ACP7: variants seen among roughly 807,000 people sequenced by gnomAD.
ACP7 encodes acid phosphatase 7, tartrate resistant (putative).
Under a neutral mutation model 60.6 loss-of-function variants are expected in ACP7, and 58 were observed. The observed-to-expected ratio is 0.96, with a 90% confidence interval of 0.77 to 1.19. The LOEUF (loss-of-function observed/expected upper bound fraction) is 1.19. Ranked by LOEUF, ACP7 falls within the 50% of genes most tolerant of loss-of-function variation. The pLI, the probability that ACP7 is intolerant of heterozygous loss-of-function variation, is 0.00. For missense variants in ACP7, 574 were observed against 596.2 expected, an observed-to-expected ratio of 0.96 and a Z score of 0.39; for synonymous variants, 237 against 232.6, an observed-to-expected ratio of 1.02 and a Z score of -0.17.
chr19:39,087,632 G>GTT (rs58068960), intron 2 of ACP7, among the ~76,000 whole-genome samples: 24 of 131,582 alleles, frequency 1.8e-4, no homozygotes, highest in Non-Finnish European at 2.8e-4. Context: ...AGCTAATTTT[G>GTT]TTTTTTTTTT....
intron 2 of ACP7, among the ~76,000 whole-genome samples, chr19:39,094,435 G>A (rs909049916): frequency 2.0e-5 from 3 of 150,364 alleles, no homozygotes; most frequent in Admixed American, 6.6e-5. Context: ...CCCAGGAGGT[G>A]GAGGTTGCAG....
rs2073340541 is a variant in ACP7, at chr19:39,101,210, G to A, written c.973+3G>A. 2 of 1,614,142 alleles carry A rather than the reference G, an allele frequency of 1.2e-6. No individual in the cohort carries two copies. The highest frequency in any genetic ancestry group is 1.7e-6 in the Non-Finnish European group (2 of 1,180,028). ...GGAGGATCTTTTCTACAAATATGGT[G>A]AGCGACCCTCAGGACCCATGCCCCA... On this transcript the variant is annotated splice_donor_region_variant and intron_variant, in intron 9 of 12. Transcript: ENST00000331256.
At position 39,085,108 on chromosome 19, in the gene ACP7, C is replaced by T; in HGVS notation, c.-162C>T. The T allele has an allele frequency of 1.2e-6, 1 of 849,598 alleles. No homozygotes were observed. The highest frequency in any genetic ancestry group is 1.8e-6 in the Non-Finnish European group (1 of 568,064). The allele number at this position is 849,598 out of a possible 1,614,324, so 52.6% of individuals were successfully genotyped here. A position where few individuals can be genotyped will look rare whatever the true frequency, so the allele number is the denominator to read the frequency against. On this transcript the variant is annotated 5_prime_UTR_variant, in exon 2 of 13. Transcript: ENST00000331256. ...TCTCTCCAGCACCTGGATAACCACC[C>T]ATCTTGAAGGAGACCTCCCTGCCCT... is the stretch of plus-strand genomic sequence containing the variant.
At chr19:39,088,805 G>T (rs1216281380) in intron 2 of ACP7, among the ~76,000 whole-genome samples, 1 of 152,158 alleles carries the variant, frequency 6.6e-6, no homozygotes, top group Non-Finnish European at 1.5e-5. Flanking sequence ...GAGTGCAGTG[G>T]TGTGGTCTTG....
intron 2 of ACP7, among the ~76,000 whole-genome samples, chr19:39,098,205 G>T (rs1325027782): frequency 7.7e-6 from 1 of 129,560 alleles, no homozygotes; most frequent in Non-Finnish European, 1.6e-5. Context: ...AGTAAGCTGA[G>T]ATTGCACCAC....
chr19:39,097,422 G>A (rs1225368812), intron 2 of ACP7, among the ~76,000 whole-genome samples: 1 of 146,202 alleles, frequency 6.8e-6, no homozygotes, highest in Non-Finnish European at 1.5e-5. Flanking sequence ...AAATTAGCTG[G>A]GCATGGTGAC....
chr19:39,109,788 G>A (rs1422396347), intron 12 of ACP7, among the ~76,000 whole-genome samples: 1 of 150,928 alleles, frequency 6.6e-6, no homozygotes, highest in Non-Finnish European at 1.5e-5. Context: ...TCTAATAATA[G>A]CCTACACTTA....
At chr19:39,088,127 T>G (rs1376340933) in intron 2 of ACP7, among the ~76,000 whole-genome samples, 1 of 152,146 alleles carries the variant, frequency 6.6e-6, no homozygotes, top group Non-Finnish European at 1.5e-5. Flanking sequence ...GCACAAGTGA[T>G]CCTCCTGACT....
Position 39,110,846 on chromosome 19 carries a change from G to A in ACP7, c.*728G>A, listed in dbSNP as rs987876419. 1.3e-5 allele frequency: 2 copies of A among 152,096 alleles called. No homozygotes were observed. Among genetic ancestry groups the A allele is most frequent in the African/African-American group, 4.8e-5 (2 of 41,390 alleles). The allele number at this position is 152,096 out of a possible 1,614,324, so 9.4% of individuals were successfully genotyped here. A position where few individuals can be genotyped will look rare whatever the true frequency, so the allele number is the denominator to read the frequency against. ...ATAATTTATTGAGCATCTACCATGT[G>A]CCAGGCTCTGTTCTCAGTGCTGGAG... On this transcript the variant is annotated 3_prime_UTR_variant, in exon 13 of 13. Coordinates refer to ENST00000331256, the MANE Select transcript of ACP7 (RefSeq NM_001004318.3).
Position 39,110,035 on chromosome 19 carries a change from T to C in ACP7, c.1252-18T>C, listed in dbSNP as rs750386879. 1.9e-6 allele frequency: 3 copies of C among 1,610,714 alleles called. No individual in the cohort carries two copies. Among genetic ancestry groups the C allele is most frequent in the South Asian group, 2.2e-5 (2 of 90,970 alleles). On this transcript the variant is annotated intron_variant, in intron 12 of 12. Coordinates refer to ENST00000331256, the MANE Select transcript of ACP7 (RefSeq NM_001004318.3). ...GGCTTTCAGCTCTAACTACTGTCCC[T>C]GTTTTTGTCCCTCACAGGATGGGAA...
In ACP7 at chr19:39,098,669, C is replaced by A. The variant is rs780106277; in HGVS notation, c.322+11C>A. 1.9e-6 allele frequency: 3 copies of A among 1,600,712 alleles called. No individual in the cohort carries two copies. Among genetic ancestry groups the A allele is most frequent in the African/African-American group, 1.3e-5 (1 of 74,500 alleles). Reference sequence around the variant, plus strand: ...CAGGGGTTCAGTATGGTGAGAGGGGCCCCAGGCTGAGCTGTTGAGGAGGAG... The same window carrying A: ...CAGGGGTTCAGTATGGTGAGAGGGGACCCAGGCTGAGCTGTTGAGGAGGAG... On this transcript the variant is annotated intron_variant, in intron 3 of 12. Transcript: ENST00000331256.
Position 39,101,049 on chromosome 19 carries a change from A to C in ACP7, c.908A>C (p.Glu303Ala), listed in dbSNP as rs985085741. Residue 303 changes from glutamate (E) to alanine (A), a missense_variant, in exon 8 of 13, where the codon GAA (glutamate) becomes GCA (alanine). Transcript: ENST00000331256. ...GATCTGGACGACTGCACACGACATG[A>C]AAGCAAGGTGAGGTCCCTCCCTGGG... ...NADLDDCTRH[E>A]SKVRKGLQGK... 1.2e-6 allele frequency: 2 copies of C among 1,613,876 alleles called. No homozygotes were observed. Among genetic ancestry groups the C allele is most frequent in the African/African-American group, 2.7e-5 (2 of 74,914 alleles).
intron 2 of ACP7, among the ~76,000 whole-genome samples, chr19:39,090,002 A>T (rs2073185976): frequency 6.6e-6 from 1 of 152,176 alleles, no homozygotes; most frequent in Non-Finnish European, 1.5e-5. Flanking sequence ...AGACAATGCA[A>T]ATCCCATTTC....
intron 2 of ACP7, among the ~76,000 whole-genome samples, chr19:39,092,230 C>T (rs2073211314): frequency 6.6e-6 from 1 of 152,074 alleles, no homozygotes; most frequent in South Asian, 2.1e-4. Context: ...AAAAATTAGC[C>T]ATGTGTGTTG....
At position 39,085,504 on chromosome 19, in the gene ACP7, C is replaced by T. The variant is rs2073131579; in HGVS notation, c.121+114C>T. 3.7e-6 allele frequency: 5 copies of T among 1,338,012 alleles called. No individual in the cohort carries two copies. The East Asian group carries it at 1.2e-4, about 33-fold the overall frequency. 82.9% of individuals were successfully genotyped at this position (1,338,012 alleles called of 1,614,324 possible). ...GCCCCTAGGCGGGTGGCTCATTCCT[C>T]CTGAGCCTCCATCATCCACCTCTGT... On this transcript the variant is annotated intron_variant, in intron 2 of 12. Coordinates refer to ENST00000331256, the MANE Select transcript of ACP7 (RefSeq NM_001004318.3).
intron 2 of ACP7, 134 bp downstream of exon 2, chr19:39,085,524 C>A: frequency 8.1e-7 from 1 of 1,227,728 alleles, no homozygotes; most frequent in Non-Finnish European, 1.1e-6. Context: ...CATCATCCAC[C>A]TCTGTGGAAT....
At chr19:39,087,824 G>C (rs2073162075) in intron 2 of ACP7, among the ~76,000 whole-genome samples, 1 of 151,874 alleles carries the variant, frequency 6.6e-6, no homozygotes. Context: ...AGTAGAGACG[G>C]GGTTTCACCA....
chr19:39,098,952 CCATT>C lies in ACP7; in HGVS notation c.323-5_323-2del. 1 of 1,611,334 alleles carries C rather than the reference CCATT, an allele frequency of 6.2e-7. No individual in the cohort carries two copies. Among genetic ancestry groups the C allele is most frequent in the South Asian group, 1.1e-5 (1 of 91,056 alleles). On this transcript the variant is annotated splice_polypyrimidine_tract_variant and splice_region_variant and intron_variant, in intron 3 of 12. Coordinates refer to ENST00000331256, the MANE Select transcript of ACP7 (RefSeq NM_001004318.3). Reference sequence around the variant, plus strand: ...CAGCTGACTGCGACCTTTTCCTCTCCCATTCAGTTTATCGCTGTGGCAGTGCGCA... The same window carrying C: ...CAGCTGACTGCGACCTTTTCCTCTCCCAGTTTATCGCTGTGGCAGTGCGCA...
chr19:39,099,438 T>C (rs1372238307), intron 4 of ACP7, among the ~76,000 whole-genome samples: 1 of 152,166 alleles, frequency 6.6e-6, no homozygotes, highest in Non-Finnish European at 1.5e-5. Context: ...CGCAGGACTG[T>C]TGTGATGACT....
Sources: gnomAD v4.1 joint callset for allele counts (sites outside exome capture counted in the v4.1 genomes callset) on GRCh38, gnomAD v4.1.1 for gene constraint, MANE v1.5 for transcripts, NCBI Gene and HGNC (gene_info 2026-07-23, HGNC 2026-07-21) for gene names.